Variants in C19orf12 observed in about 807,000 individuals in gnomAD.
The protein encoded by C19orf12 is protein C19orf12.
A neutral mutation model predicts 3.8 loss-of-function variants in C19orf12; 2 were observed. That is an observed-to-expected ratio of 0.53 (90% CI 0.22 to 1.66). C19orf12 has a LOEUF of 1.66. Ranked by LOEUF, C19orf12 falls within the 40% of genes most tolerant of loss-of-function variation. The probability of loss-of-function intolerance (pLI) is 0.20; values close to 1 mark genes in which losing one functional copy is unlikely to be tolerated. For missense variants in C19orf12, 156 were observed against 188.8 expected, an observed-to-expected ratio of 0.83 and a Z score of 1.02; for synonymous variants, 89 against 84.6, an observed-to-expected ratio of 1.05 and a Z score of -0.28.
intron 1 of C19orf12, among the ~76,000 whole-genome samples, chr19:29,711,592 T>C (rs1972680358): frequency 6.6e-6 from 1 of 152,208 alleles, no homozygotes. Context: ...AGCCCTGCCA[T>C]GCTTGGTCTG....
intron 2 of C19orf12, chr19:29,705,402 C>CAAAAAAAA (rs34101444): frequency 4.8e-4 from 53 of 110,994 alleles, no homozygotes; most frequent in East Asian, 7.5e-4. Context: ...ATCCTGAAAC[C>CAAAAAAAA]AAAAAAAAAA....
intron 1 of C19orf12, among the ~76,000 whole-genome samples, chr19:29,713,820 G>C (rs373785599): frequency 6.6e-6 from 1 of 151,946 alleles, no homozygotes; most frequent in African/African-American, 2.4e-5. Context: ...GCCGTCCCCT[G>C]CCCACCCCCA....
chr19:29,706,917 C>G (rs1274658376), intron 2 of C19orf12, among the ~76,000 whole-genome samples: 1 of 152,240 alleles, frequency 6.6e-6, no homozygotes, highest in East Asian at 1.9e-4. Context: ...GCCACAGCCC[C>G]AGGCCAGGTA....
At chr19:29,708,597 G>A (rs1023908063) in intron 1 of C19orf12, 174 bp from the exon 2 acceptor site, 2 of 752,426 alleles carry the variant, frequency 2.7e-6, no homozygotes, top group Admixed American at 2.1e-5. Context: ...CCCACAGACA[G>A]GACAGGCAGC....
intron 1 of C19orf12, among the ~76,000 whole-genome samples, chr19:29,711,761 T>C (rs1972690128): frequency 6.6e-6 from 1 of 152,178 alleles, no homozygotes; most frequent in African/African-American, 2.4e-5. Flanking sequence ...ACTTTAGCTC[T>C]ACTGGCTTCC....
At chr19:29,703,524 G>T (rs1386244952) in intron 2 of C19orf12, among the ~76,000 whole-genome samples, 1 of 151,720 alleles carries the variant, frequency 6.6e-6, no homozygotes, top group African/African-American at 2.4e-5. Context: ...GGGATTACAG[G>T]CGCACACCAC....
intron 2 of C19orf12, among the ~76,000 whole-genome samples, chr19:29,705,116 T>C (rs1465470327): frequency 6.6e-6 from 1 of 152,040 alleles, no homozygotes; most frequent in Non-Finnish European, 1.5e-5. Context: ...AAGGTGAATA[T>C]CACTGACGTC....
At position 29,702,882 on chromosome 19, in the gene C19orf12, G is replaced by C; in HGVS notation, c.256C>G (p.Gln86Glu). The change falls in exon 3 of 3, where the codon CAG becomes GAG. Residue 86 changes from glutamine to glutamate, a missense_variant. Transcript: ENST00000323670. ...ILMELPPAEQQRLFNEAAAII... is the reference protein window; with the variant it reads ...ILMELPPAEQERLFNEAAAII... ...GCTGCGGCTTCGTTAAAGAGCCTCTGTTGCTCGGCAGGGGGCAGCTCCATT... is the reference window on the plus strand; with the variant it reads ...GCTGCGGCTTCGTTAAAGAGCCTCTCTTGCTCGGCAGGGGGCAGCTCCATT... The C allele has an allele frequency of 6.2e-7, 1 of 1,614,238 alleles. No individual in the cohort carries two copies. Among genetic ancestry groups the C allele is most frequent in the Non-Finnish European group, 8.5e-7 (1 of 1,180,036 alleles).
Position 29,698,949 on chromosome 19 carries a change from A to G in C19orf12, c.*3763T>C, listed in dbSNP as rs1158270182. 2 of 452,348 alleles carry G rather than the reference A, an allele frequency of 4.4e-6. No individual in the cohort carries two copies. The highest frequency in any genetic ancestry group is 1.4e-4 in the East Asian group (2 of 14,386). 28.0% of individuals were successfully genotyped at this position (452,348 alleles called of 1,614,324 possible). A position where few individuals can be genotyped will look rare whatever the true frequency, so the allele number is the denominator to read the frequency against. ...CCCAAAGACTATATACCAGAATTCA[A>G]TAAAGAGAATATTAACACAGTATTA... is the stretch of plus-strand genomic sequence containing the variant. On this transcript the variant is annotated 3_prime_UTR_variant, in exon 3 of 3. Coordinates refer to ENST00000323670, the MANE Select transcript of C19orf12 (RefSeq NM_031448.6).
chr19:29,708,512 A>G, intron 1 of C19orf12, 89 bp from the exon 2 acceptor site: 1 of 1,550,812 alleles, frequency 6.4e-7, no homozygotes, highest in Non-Finnish European at 8.8e-7. Flanking sequence ...GTTTTAAGGA[A>G]GGGTCCCCCT....
chr19:29,700,633 A>G lies in C19orf12; in HGVS notation c.*2079T>C, dbSNP rs754471486. 1 of 454,214 alleles carries G rather than the reference A, an allele frequency of 2.2e-6. No homozygotes were observed. The highest frequency in any genetic ancestry group is 4.4e-6 in the Non-Finnish European group (1 of 226,810). The allele number at this position is 454,214 out of a possible 1,614,324, so 28.1% of individuals were successfully genotyped here. A position where few individuals can be genotyped will look rare whatever the true frequency, so the allele number is the denominator to read the frequency against. On this transcript the variant is annotated 3_prime_UTR_variant, in exon 3 of 3. Transcript: ENST00000323670. ...TGTCCCCCATCAACTTAAGTGGCAT[A>G]TAAATGATTAAAGTGGCTTCATTAA...
chr19:29,710,150 G>A (rs1032133453), intron 1 of C19orf12, among the ~76,000 whole-genome samples: 1 of 152,174 alleles, frequency 6.6e-6, no homozygotes, highest in Non-Finnish European at 1.5e-5. Context: ...GATTACAGGT[G>A]TGGGCCACCG....
Position 29,715,105 on chromosome 19 carries a change from G to A in C19orf12, c.-11+20C>T. ...CGCGGCCTGGGAGGCGCCCCGCCCC[G>A]GCTCCGGGCGCTCCTTTACCTGGGG... On this transcript the variant is annotated intron_variant, in intron 1 of 2. Transcript: ENST00000323670. The A allele has an allele frequency of 1.6e-6, 1 of 606,820 alleles. No individual in the cohort carries two copies. 37.6% of individuals were successfully genotyped at this position (606,820 alleles called of 1,614,324 possible).
intron 1 of C19orf12, among the ~76,000 whole-genome samples, chr19:29,710,941 G>A (rs766361492): frequency 5.3e-5 from 8 of 152,030 alleles, no homozygotes; most frequent in Admixed American, 4.6e-4. Context: ...ATGGGGAGAC[G>A]GAGCGCAGAA....
intron 1 of C19orf12, among the ~76,000 whole-genome samples, chr19:29,710,416 G>A (rs16963159): frequency 0.28 from 42,426 of 151,852 alleles, 6,160 homozygotes; most frequent in East Asian, 0.47. Flanking sequence ...ACAAGTGCAC[G>A]GGAATCACTG....
rs1599546329 is a variant in C19orf12, at chr19:29,708,433, A to G, written c.-10-10T>C. On this transcript the variant is annotated splice_polypyrimidine_tract_variant and intron_variant, in intron 1 of 2. Transcript: ENST00000323670. ...AGTCATCGTGGCGGGCCTTCGAGGG[A>G]GAAGTTCAGAGGGACAGTTTCAATG... The G allele has an allele frequency of 6.2e-7, 1 of 1,612,872 alleles. No individual in the cohort carries two copies. Among genetic ancestry groups the G allele is most frequent in the Non-Finnish European group, 8.5e-7 (1 of 1,179,980 alleles).
Position 29,704,119 on chromosome 19 carries a change from G to C in C19orf12, c.161-1142C>G, listed in dbSNP as rs1013922824. On this transcript the variant is annotated intron_variant, in intron 2 of 2. Transcript: ENST00000323670. Reference sequence around the variant, plus strand: ...AAAGGACCTGGGGACAGATAAGGAGGCTCTTTCCTCTTGAAGCAGTGCTTT... The same window carrying C: ...AAAGGACCTGGGGACAGATAAGGAGCCTCTTTCCTCTTGAAGCAGTGCTTT... 2.6e-5 allele frequency among the ~76,000 whole-genome samples: 4 copies of C among 152,300 alleles called. No homozygotes were observed. In the East Asian group the frequency reaches 5.8e-4, roughly 22 times the overall value.
intron 1 of C19orf12, 117 bp from the exon 2 acceptor site, chr19:29,708,540 A>G: frequency 7.5e-7 from 1 of 1,326,802 alleles, no homozygotes; most frequent in East Asian, 2.4e-5. Context: ...AAAGCTCAGC[A>G]GCTCCAAGCG....
rs1188670767 is a variant in C19orf12, at chr19:29,700,842, C to T, written c.*1870G>A. On this transcript the variant is annotated 3_prime_UTR_variant, in exon 3 of 3. Coordinates refer to ENST00000323670, the MANE Select transcript of C19orf12 (RefSeq NM_031448.6). ...AGCTTTCCTATAAGCAGGGCCTCAG[C>T]AGAAGTGCCTCCCTCCGAGCCTCCA... The T allele has an allele frequency of 2.2e-6, 1 of 454,128 alleles. No homozygotes were observed. The highest frequency in any genetic ancestry group is 1.6e-5 in the South Asian group (1 of 64,474). The allele number at this position is 454,128 out of a possible 1,614,324, so 28.1% of individuals were successfully genotyped here.
Sources: allele counts gnomAD v4.1 joint callset (sites outside exome capture counted in the v4.1 genomes callset), GRCh38; gene constraint gnomAD v4.1.1; transcripts MANE v1.5; gene names NCBI Gene and HGNC (gene_info 2026-07-23, HGNC 2026-07-21).